The following NKAIN2 variants were observed in gnomAD, a reference collection of about 807,000 sequenced individuals.
NKAIN2 encodes the protein sodium/potassium-transporting ATPase subunit beta-1-interacting protein 2.
NKAIN2 carries 14 observed loss-of-function variants against 32.6 expected under a neutral mutation model. That is an observed-to-expected ratio of 0.43 (90% CI 0.28 to 0.67). The LOEUF (loss-of-function observed/expected upper bound fraction) is 0.67. Among genes scored for constraint, NKAIN2 ranks in the 30% least tolerant of loss-of-function variants. NKAIN2 has a pLI of 0.17. For missense variants in NKAIN2, 198 were observed against 258.3 expected (o/e 0.77, Z 1.60); for synonymous variants, 80 against 87.2 (o/e 0.92, Z 0.46).
chr6:124,035,012 C>T (rs570768212), intron 1 of NKAIN2, among the ~76,000 whole-genome samples: 16 of 151,992 alleles, frequency 1.1e-4, no homozygotes, highest in Middle Eastern at 3.4e-3. Flanking sequence ...AACTGACTTT[C>T]GGATAGCATG....
At chr6:124,023,658 C>T (rs1780974067) in intron 1 of NKAIN2, among the ~76,000 whole-genome samples, 2 of 152,016 alleles carry the variant, frequency 1.3e-5, no homozygotes, top group South Asian at 4.1e-4. Flanking sequence ...AGGACTTTTC[C>T]TTATTGCAGG....
At chr6:124,344,652 A>T (rs1798312148) in intron 2 of NKAIN2, among the ~76,000 whole-genome samples, 1 of 152,060 alleles carries the variant, frequency 6.6e-6, no homozygotes, top group Admixed American at 6.6e-5. Context: ...TTGGTGTATA[A>T]GAATGCTTGT....
At chr6:123,899,456 C>A (rs1582740898) in intron 1 of NKAIN2, among the ~76,000 whole-genome samples, 1 of 152,146 alleles carries the variant, frequency 6.6e-6, no homozygotes, top group East Asian at 1.9e-4. Context: ...CAGTAAAGTT[C>A]TTTCAGTCCC....
chr6:124,229,533 T>TAGACAGACAGACAGACAGACAGAC (rs71021483), intron 1 of NKAIN2, among the ~76,000 whole-genome samples: 37 of 149,172 alleles, frequency 2.5e-4, no homozygotes, highest in African/African-American at 7.3e-4. Flanking sequence ...GATAGATAGA[T>TAGACAGACAGACAGACAGACAGAC]AGACAGACAG....
At chr6:124,218,373 G>A (rs1791601759) in intron 1 of NKAIN2, among the ~76,000 whole-genome samples, 1 of 152,042 alleles carries the variant, frequency 6.6e-6, no homozygotes, top group South Asian at 2.1e-4. Flanking sequence ...TCACATGACT[G>A]ATAAAGATGA....
At chr6:124,705,695 G>C (rs1180075173) in intron 4 of NKAIN2, among the ~76,000 whole-genome samples, 1 of 152,044 alleles carries the variant, frequency 6.6e-6, no homozygotes, top group Non-Finnish European at 1.5e-5. Context: ...CTTTCTGAAG[G>C]GAACGAGTTT....
chr6:124,727,045 T>G (rs1223225132), intron 4 of NKAIN2, among the ~76,000 whole-genome samples: 2 of 151,596 alleles, frequency 1.3e-5, no homozygotes, highest in Non-Finnish European at 2.9e-5. Flanking sequence ...CTCCAAGAAA[T>G]ATGGGACTAT....
At chr6:123,898,781 C>T (rs1196618946) in intron 1 of NKAIN2, among the ~76,000 whole-genome samples, 1 of 152,130 alleles carries the variant, frequency 6.6e-6, no homozygotes, top group Non-Finnish European at 1.5e-5. Context: ...TAGCTGGACC[C>T]CAGTCCTATG....
At chr6:123,861,045 G>A (rs899314043) in intron 1 of NKAIN2, among the ~76,000 whole-genome samples, 5 of 152,156 alleles carry the variant, frequency 3.3e-5, no homozygotes, top group African/African-American at 1.2e-4. Flanking sequence ...CACTAGGTGG[G>A]TCCACATCGA....
intron 1 of NKAIN2, among the ~76,000 whole-genome samples, chr6:124,101,483 G>A (rs939020433): frequency 6.6e-6 from 1 of 152,198 alleles, no homozygotes. Context: ...GGCACAGAAT[G>A]TCAGGAGTAT....
At chr6:124,782,489 A>AGG (rs1470830111) in intron 4 of NKAIN2, among the ~76,000 whole-genome samples, 2 of 152,094 alleles carry the variant, frequency 1.3e-5, no homozygotes, top group Admixed American at 6.6e-5. Flanking sequence ...CTTCTCTCCT[A>AGG]GTCTCTACAG....
chr6:123,963,560 A>G (rs1777946737), intron 1 of NKAIN2, among the ~76,000 whole-genome samples: 1 of 152,178 alleles, frequency 6.6e-6, no homozygotes, highest in South Asian at 2.1e-4. Context: ...AATTGCACCA[A>G]TATTATGGTA....
chr6:124,782,032 A>T (rs1400917715), intron 4 of NKAIN2, among the ~76,000 whole-genome samples: 1 of 152,082 alleles, frequency 6.6e-6, no homozygotes, highest in East Asian at 1.9e-4. Flanking sequence ...GGCACGCTTT[A>T]TTGGATGCCA....
intron 1 of NKAIN2, among the ~76,000 whole-genome samples, chr6:124,027,394 G>T (rs1160897492): frequency 6.6e-6 from 1 of 152,110 alleles, no homozygotes; most frequent in Non-Finnish European, 1.5e-5. Flanking sequence ...GCCCGCCTCA[G>T]CCTCCCAAAG....
At chr6:124,610,361 T>C (rs977982952) in intron 3 of NKAIN2, among the ~76,000 whole-genome samples, 3 of 152,224 alleles carry the variant, frequency 2.0e-5, no homozygotes, top group Non-Finnish European at 4.4e-5. Flanking sequence ...AGGATGTGCA[T>C]GGGAGTTTAT....
chr6:123,875,518 C>A (rs1272367596), intron 1 of NKAIN2, among the ~76,000 whole-genome samples: 4 of 151,810 alleles, frequency 2.6e-5, no homozygotes, highest in African/African-American at 9.7e-5. Context: ...TGTGGGGTAT[C>A]TATATTTTAA....
chr6:124,289,697 A>G (rs73773708), intron 2 of NKAIN2, among the ~76,000 whole-genome samples: 6,683 of 152,248 alleles, frequency 0.044, 513 homozygotes, highest in African/African-American at 0.15. Context: ...ACCAACAACA[A>G]TAAATCAGGA....
intron 3 of NKAIN2, among the ~76,000 whole-genome samples, chr6:124,460,676 A>G (rs1438008966): frequency 6.6e-6 from 1 of 151,600 alleles, no homozygotes; most frequent in Non-Finnish European, 1.5e-5. Context: ...TTTATGTTCT[A>G]AAATTTCACC....
rs539143926 is a variant in NKAIN2 at position 124,102,134 on chromosome 6, A to G, written c.55-180871A>G. On this transcript the variant is annotated intron_variant, in intron 1 of 6. Transcript: ENST00000368417. ...AGGGTAGTGGTGGAATACAGAATGT[A>G]ACAGTCTCTTAGTACATAGGAAATG... is the stretch of plus-strand genomic sequence containing the variant. Among the ~76,000 whole-genome samples the G allele has an allele frequency of 5.9e-5, 9 of 152,352 alleles. No individual in the cohort carries two copies. The East Asian group carries it at 1.5e-3, about 26-fold the overall frequency.
Sources: allele counts gnomAD v4.1 joint callset (sites outside exome capture counted in the v4.1 genomes callset), GRCh38; gene constraint gnomAD v4.1.1; transcripts MANE v1.5; gene names NCBI Gene and HGNC (gene_info 2026-07-23, HGNC 2026-07-21).